PCDHA10: variants seen among roughly 807,000 people sequenced by gnomAD.
PCDHA10 encodes protocadherin alpha-10.
PCDHA10 carries 45 observed loss-of-function variants against 61.2 expected under a neutral mutation model. The observed-to-expected ratio is 0.74, with a 90% CI of 0.58 to 0.94. The LOEUF (loss-of-function observed/expected upper bound fraction) is 0.94. PCDHA10 is among the 40% of genes least tolerant of loss of function. The probability of loss-of-function intolerance (pLI) is 0.00; values close to 1 mark genes in which losing one functional copy is unlikely to be tolerated. For synonymous variants in PCDHA10, 602 were observed against 548.8 expected (o/e 1.10, Z -1.35); for missense variants, 1,278 against 1,236.2 (o/e 1.03, Z -0.51).
chr5:140,865,785 T>C (rs2049000599), intron 1 of PCDHA10: 1 of 152,188 alleles, frequency 6.6e-6, no homozygotes, highest in South Asian at 2.1e-4. Flanking sequence ...ATGTGTATCT[T>C]TCAGGCTTCA....
At chr5:140,887,256 C>T (rs1554182988) in intron 1 of PCDHA10, among the ~76,000 whole-genome samples, 1 of 152,002 alleles carries the variant, frequency 6.6e-6, no homozygotes, top group African/African-American at 2.4e-5. Context: ...GCCACCACGC[C>T]CTGCTAATTT....
At chr5:140,949,783 G>A (rs1181020228) in intron 1 of PCDHA10, among the ~76,000 whole-genome samples, 1 of 151,784 alleles carries the variant, frequency 6.6e-6, no homozygotes, top group Non-Finnish European at 1.5e-5. Context: ...GATATGTTTA[G>A]ATTTGTGTCC....
At chr5:140,929,207 G>A (rs782298445) in intron 1 of PCDHA10, 6 of 1,614,104 alleles carry the variant, frequency 3.7e-6, no homozygotes, top group East Asian at 2.2e-5. Flanking sequence ...TTGCTGTTGC[G>A]TGGGGAGTAC....
At chr5:140,870,839 T>C (rs1358609489) in intron 1 of PCDHA10, 3 of 1,613,690 alleles carry the variant, frequency 1.9e-6, no homozygotes, top group South Asian at 1.1e-5. Flanking sequence ...GTTAACAAGC[T>C]AGTACCGCGG....
intron 3 of PCDHA10, among the ~76,000 whole-genome samples, chr5:140,990,586 A>G (rs544396898): frequency 7.2e-5 from 11 of 152,284 alleles, no homozygotes; most frequent in African/African-American, 2.6e-4. Flanking sequence ...CTTTTCCTAT[A>G]ATCACCTGGA....
intron 1 of PCDHA10, chr5:140,966,279 G>C (rs1429727504): frequency 3.3e-5 from 12 of 364,508 alleles, no homozygotes; most frequent in Non-Finnish European, 4.9e-5. Context: ...ACTGGACAGT[G>C]GGGGTAGGGA....
chr5:140,877,908 T>G (rs1554170220), intron 1 of PCDHA10: 2 of 1,433,428 alleles, frequency 1.4e-6, no homozygotes, highest in East Asian at 2.5e-5. Context: ...ATAACTACAT[T>G]CTCTCATTTT....
intron 1 of PCDHA10, among the ~76,000 whole-genome samples, chr5:140,902,886 A>G (rs192404879): frequency 3.9e-5 from 6 of 152,276 alleles, no homozygotes; most frequent in Non-Finnish European, 7.4e-5. Flanking sequence ...TGCAAAAGCT[A>G]TTATTTTATT....
At chr5:141,005,488 G>A (rs138290389) in intron 3 of PCDHA10, among the ~76,000 whole-genome samples, 2,990 of 151,856 alleles carry the variant, frequency 0.02, 115 homozygotes, top group African/African-American at 0.068. Flanking sequence ...CGGATCATGA[G>A]GTCAGGAGAT....
Position 140,856,403 on chromosome 5 carries a change from G to T in PCDHA10, c.355G>T (p.Asp119Tyr). The change falls in exon 1 of 4, where the codon GAC becomes TAC. Residue 119 changes from aspartate to tyrosine, a missense_variant. Asp to Tyr is a radical substitution (Grantham distance 160). Transcript: ENST00000307360. The stretch of plus-strand genomic sequence containing the variant: ...CAGGCCGCTGCAGGTTTTCCATGTG[G>T]ACGTGGAAGTGAAGGACATTAACGA... Reference protein sequence around the residue: ...VDRPLQVFHVDVEVKDINDNP... With the variant: ...VDRPLQVFHVYVEVKDINDNP... 2 of 1,598,562 alleles carry T rather than the reference G, an allele frequency of 1.3e-6. No individual in the cohort carries two copies. Among genetic ancestry groups the T allele is most frequent in the South Asian group, 2.2e-5 (2 of 90,530 alleles).
chr5:140,958,617 A>C (rs2095434462), intron 1 of PCDHA10, among the ~76,000 whole-genome samples: 1 of 152,204 alleles, frequency 6.6e-6, no homozygotes, highest in Admixed American at 6.5e-5. Flanking sequence ...ATACTAGTCC[A>C]GCTTGAGAGT....
At chr5:140,965,128 A>G (rs2095876420) in intron 1 of PCDHA10, among the ~76,000 whole-genome samples, 1 of 152,244 alleles carries the variant, frequency 6.6e-6, no homozygotes, top group African/African-American at 2.4e-5. Flanking sequence ...AGATCTACAG[A>G]TGACAGAATA....
Position 140,946,375 on chromosome 5 carries a change from G to A in PCDHA10, c.2389-32574G>A, listed in dbSNP as rs531638250. Among the ~76,000 whole-genome samples, 14 of 151,710 alleles carry A rather than the reference G, an allele frequency of 9.2e-5. No homozygotes were observed. In the South Asian group the frequency reaches 2.9e-3, roughly 32 times the overall value. On this transcript the variant is annotated intron_variant, in intron 1 of 3. Transcript: ENST00000307360. ...TGGAGAAAAGGGAACTCTTGCACACGGTTGGTAGGAATGTAAATTAGTACA... is the reference window on the plus strand; with the variant it reads ...TGGAGAAAAGGGAACTCTTGCACACAGTTGGTAGGAATGTAAATTAGTACA...
intron 1 of PCDHA10, chr5:140,865,997 T>C (rs990195272): frequency 2.6e-5 from 4 of 152,210 alleles, no homozygotes; most frequent in Admixed American, 6.5e-5. Context: ...AGTTTTTTTA[T>C]GTTAAGTGAT....
intron 1 of PCDHA10, chr5:140,968,169 G>A (rs781969621): frequency 6.8e-6 from 11 of 1,613,982 alleles, no homozygotes; most frequent in African/African-American, 1.3e-5. Context: ...AATCCACCAA[G>A]CTTCCTGGAG....
chr5:140,982,917 C>T (rs2097016226), intron 3 of PCDHA10, among the ~76,000 whole-genome samples: 1 of 151,626 alleles, frequency 6.6e-6, no homozygotes, highest in Non-Finnish European at 1.5e-5. Context: ...ACAGAGATGA[C>T]ACTGTTAACA....
At chr5:141,009,255 G>A (rs2098403504) in intron 3 of PCDHA10, among the ~76,000 whole-genome samples, 1 of 152,162 alleles carries the variant, frequency 6.6e-6, no homozygotes. Context: ...CAGTGTTTGA[G>A]ACCAGCCTGG....
At chr5:140,928,467 A>C (rs782319281) in intron 1 of PCDHA10, 29 of 1,614,142 alleles carry the variant, frequency 1.8e-5, no homozygotes, top group Non-Finnish European at 2.3e-5. Flanking sequence ...ATTTCCAAGT[A>C]GAAGGCCGGG....
At chr5:140,924,104 C>A (rs538996937) in intron 1 of PCDHA10, among the ~76,000 whole-genome samples, 20 of 152,306 alleles carry the variant, frequency 1.3e-4, no homozygotes, top group Middle Eastern at 6.8e-3. Context: ...AATTTTCATT[C>A]CAAAGCAGTT....
Sources: gnomAD v4.1 joint callset for allele counts (sites outside exome capture counted in the v4.1 genomes callset) on GRCh38, gnomAD v4.1.1 for gene constraint, MANE v1.5 for transcripts, NCBI Gene and HGNC (gene_info 2026-07-23, HGNC 2026-07-21) for gene names.